The following PLA2G3 variants were observed in gnomAD, a reference collection of about 807,000 sequenced individuals.
PLA2G3 encodes group 3 secretory phospholipase A2.
A neutral mutation model predicts 51.3 loss-of-function variants in PLA2G3; 39 were observed. The observed-to-expected ratio is 0.76, with a 90% CI of 0.59 to 0.99. The LOEUF is 0.99. Among genes scored for constraint, PLA2G3 ranks in the 50% least tolerant of loss-of-function variants. The pLI is 0.00. For missense variants in PLA2G3, 677 were observed against 662.1 expected (o/e 1.02, Z -0.25); for synonymous variants, 293 against 263.1 (o/e 1.11, Z -1.10).
Position 31,140,349 on chromosome 22 carries a change from C to A in PLA2G3, c.6G>T (p.Gly2=). The A allele has an allele frequency of 6.3e-7, 1 of 1,593,826 alleles. No individual in the cohort carries two copies. The highest frequency in any genetic ancestry group is 1.1e-5 in the South Asian group (1 of 89,052). M[G]VQAGLFGMLG... ...GCATCCCAAACAGCCCTGCCTGAACCCCCATTCTGCACTGGCCCAGTCCAG... is the reference window on the plus strand; with the variant it reads ...GCATCCCAAACAGCCCTGCCTGAACACCCATTCTGCACTGGCCCAGTCCAG... The change falls in exon 1 of 7, where the codon GGG becomes GGT. Residue 2 remains glycine (G), a synonymous_variant. Transcript: ENST00000215885.
At chr22:31,136,571 CAG>C (rs1027728680) in intron 6 of PLA2G3, 110 bp downstream of exon 6, 7 of 819,378 alleles carry the variant, frequency 8.5e-6, no homozygotes, top group Middle Eastern at 2.5e-4. Flanking sequence ...GATAGGAGCT[CAG>C]AGGTCTCCGG....
At chr22:31,139,724 T>C in intron 1 of PLA2G3, 117 bp downstream of exon 1, 1 of 676,462 alleles carries the variant, frequency 1.5e-6, no homozygotes, top group South Asian at 1.9e-5. Flanking sequence ...AAATTGAGGT[T>C]CACCATGGTC....
intron 6 of PLA2G3, among the ~76,000 whole-genome samples, chr22:31,136,301 G>A (rs1254306916): frequency 2.6e-5 from 4 of 152,228 alleles, no homozygotes; most frequent in African/African-American, 9.6e-5. Flanking sequence ...GAGTCCAGAA[G>A]TTCAAGACCA....
Position 31,139,873 on chromosome 22 carries a change from A to G in PLA2G3, c.482T>C (p.Val161Ala). ...WTMPGTLWCG[V>A]GDSAGNSSEL... ...CGAGGAGTTCCCAGCAGAATCTCCA[A>G]CTCCACACCACAGTGTGCCAGGCAT... Residue 161 changes from valine (V) to alanine (A), a missense_variant, in exon 1 of 7, where the codon GTT (valine) becomes GCT (alanine). Coordinates refer to ENST00000215885, the MANE Select transcript of PLA2G3 (RefSeq NM_015715.5). The G allele has an allele frequency of 6.2e-7, 1 of 1,611,796 alleles. No individual in the cohort carries two copies. Among genetic ancestry groups the G allele is most frequent in the Admixed American group, 1.7e-5 (1 of 59,832 alleles).
chr22:31,138,159 A>G (rs994010525), intron 3 of PLA2G3, 117 bp downstream of exon 3: 1 of 1,400,682 alleles, frequency 7.1e-7, no homozygotes, highest in Non-Finnish European at 9.7e-7. Flanking sequence ...AGGAGAGGAC[A>G]TGCAGGATGG....
chr22:31,135,524 A>G lies in PLA2G3; in HGVS notation c.*199T>C, dbSNP rs111690702. ...CAGGCATAGAAGAGTTGTGTCATAC[A>G]TAGCTCAAGGTTACCCAGAACAGCA... On this transcript the variant is annotated 3_prime_UTR_variant, in exon 7 of 7. Transcript: ENST00000215885. The G allele has an allele frequency of 1.9e-3, 1,130 of 594,876 alleles. 24 individuals are homozygous for G. The South Asian group carries it at 0.019, about 10-fold the overall frequency. 36.8% of individuals were successfully genotyped at this position (594,876 alleles called of 1,614,324 possible).
intron 3 of PLA2G3, 122 bp from the exon 4 acceptor site, chr22:31,138,115 G>T: frequency 7.5e-7 from 1 of 1,333,708 alleles, no homozygotes; most frequent in Non-Finnish European, 1.0e-6. Flanking sequence ...GGGTTGTGGG[G>T]GACACCCAAG....
chr22:31,139,541 T>C (rs1017599437), intron 1 of PLA2G3, among the ~76,000 whole-genome samples: 5 of 152,090 alleles, frequency 3.3e-5, no homozygotes, highest in African/African-American at 1.2e-4. Context: ...CAAAGCCTCC[T>C]CCTGGGTAAT....
intron 4 of PLA2G3, 93 bp from the exon 5 acceptor site, chr22:31,137,133 C>A: frequency 8.3e-7 from 1 of 1,208,844 alleles, no homozygotes. Flanking sequence ...AGCACGTGTG[C>A]TCAGTCACAC....
chr22:31,136,808 A>G lies in PLA2G3; in HGVS notation c.1200-9T>C. On this transcript the variant is annotated splice_polypyrimidine_tract_variant and intron_variant, in intron 5 of 6. Transcript: ENST00000215885. ...TCAGGAAGCGTGCCAGACTGAGAAC[A>G]GAGGCAGGCTCAGGCCGGGGCAGGG... 14 of 1,607,380 alleles carry G rather than the reference A, an allele frequency of 8.7e-6. No homozygotes were observed. The highest frequency in any genetic ancestry group is 1.2e-5 in the Non-Finnish European group (14 of 1,177,458).
chr22:31,137,951 G>C lies in PLA2G3; in HGVS notation c.825C>G (p.Pro275=). The C allele has an allele frequency of 6.2e-7, 1 of 1,602,880 alleles. No homozygotes were observed. Among genetic ancestry groups the C allele is most frequent in the South Asian group, 1.1e-5 (1 of 89,676 alleles). ...YGTVPLARLQ[P]RTFYNASWSS... is the part of the protein sequence containing the mutation. ...TCCAGGAGGCATTGTAGAAGGTCCT[G>C]GGCTGCAGGCGAGCGAGGGGCACTG... Residue 275 remains proline (P), a synonymous_variant, in exon 4 of 7, where the codon CCC becomes CCG. Transcript: ENST00000215885.
At chr22:31,139,199 G>A (rs1922756519) in intron 1 of PLA2G3, among the ~76,000 whole-genome samples, 1 of 152,070 alleles carries the variant, frequency 6.6e-6, no homozygotes, top group Non-Finnish European at 1.5e-5. Context: ...AGGAGGTGTC[G>A]CCAGGATGCC....
At chr22:31,136,582 G>C (rs757872) in intron 6 of PLA2G3, 101 bp downstream of exon 6, 713,889 of 918,330 alleles carry the variant, frequency 0.78, 279,870 homozygotes, top group South Asian at 0.9. Context: ...AGAGGTCTCC[G>C]GATCCCTTCC....
Position 31,137,871 on chromosome 22 carries a change from G to A in PLA2G3, c.905C>T (p.Pro302Leu), listed in dbSNP as rs375177383. Reference protein sequence around the residue: ...PSSRSPAPPKPRQKQHLRKGP... With the variant: ...PSSRSPAPPKLRQKQHLRKGP... ...CTTCCGAAGGTGCTGCTTCTGTCGA[G>A]GCTTGGGAGGGGCTGGGCTCCGGGA... The change falls in exon 4 of 7, where the codon CCT becomes CTT. Residue 302 changes from proline to leucine, a missense_variant. Transcript: ENST00000215885. 34 of 1,613,968 alleles carry A rather than the reference G, an allele frequency of 2.1e-5. No individual in the cohort carries two copies. Among genetic ancestry groups the A allele is most frequent in the Non-Finnish European group, 2.7e-5 (32 of 1,180,008 alleles).
rs1170818507 is a variant in PLA2G3, at chr22:31,137,814, G to C, written c.962C>G (p.Pro321Arg). 6.2e-7 allele frequency: 1 copy of C among 1,613,980 alleles called. No homozygotes were observed. Among genetic ancestry groups the C allele is most frequent in the Admixed American group, 1.7e-5 (1 of 59,990 alleles). The change falls in exon 4 of 7, where the codon CCC (proline) becomes CGC (arginine). Residue 321 changes from proline to arginine, a missense_variant. Pro to Arg is a moderately radical substitution (Grantham distance 103). Coordinates refer to ENST00000215885, the MANE Select transcript of PLA2G3 (RefSeq NM_015715.5). The part of the protein sequence containing the change: ...GPPHQKGSKR[P>R]SKANTTALQD... Reference sequence around the variant, plus strand: ...GAGGGCTGTGGTGTTGGCTTTGCTGGGGCGCTTGGACCCTTTCTGATGTGG... The same window carrying C: ...GAGGGCTGTGGTGTTGGCTTTGCTGCGGCGCTTGGACCCTTTCTGATGTGG...
chr22:31,136,136 T>G (rs139839926), intron 6 of PLA2G3, among the ~76,000 whole-genome samples, 200 bp from the exon 7 acceptor site: 2,457 of 152,320 alleles, frequency 0.016, 35 homozygotes, highest in Non-Finnish European at 0.027. Context: ...ACTAGCTGGC[T>G]GTGGAAACCT....
intron 6 of PLA2G3, 86 bp from the exon 7 acceptor site, chr22:31,136,022 G>T: frequency 8.7e-7 from 1 of 1,146,350 alleles, no homozygotes; most frequent in Non-Finnish European, 1.3e-6. Flanking sequence ...GGCCCAGAGA[G>T]AGAGGGGGCT....
intron 4 of PLA2G3, 23 bp from the exon 5 acceptor site, chr22:31,137,063 A>G (rs538228477): frequency 6.7e-7 from 1 of 1,497,030 alleles, no homozygotes; most frequent in South Asian, 1.3e-5. Flanking sequence ...TGTGGTGTTG[A>G]TGGGAGCCCA....
In PLA2G3 at chr22:31,140,164, G is replaced by T; in HGVS notation, c.191C>A (p.Ala64Glu). The T allele has an allele frequency of 1.9e-6, 3 of 1,612,388 alleles. No homozygotes were observed. The highest frequency in any genetic ancestry group is 2.5e-6 in the Non-Finnish European group (3 of 1,179,868). ...GCTACATGACTGCAGCCTCCTATGC[G>T]CATCCCAGCGGGCATGGATCAGGGC... Reference protein sequence around the residue: ...GLALIHARWDAHRRLQSCSWE... With the variant: ...GLALIHARWDEHRRLQSCSWE... The change falls in exon 1 of 7, where the codon GCG becomes GAG. Residue 64 changes from alanine (A) to glutamate (E), a missense_variant. Physicochemically the swap from Ala to Glu is moderately radical, Grantham distance 107. Transcript: ENST00000215885.
Sources: allele counts gnomAD v4.1 joint callset (sites outside exome capture counted in the v4.1 genomes callset), GRCh38; gene constraint gnomAD v4.1.1; transcripts MANE v1.5; gene names NCBI Gene and HGNC (gene_info 2026-07-23, HGNC 2026-07-21).